LRP1B: variants seen among roughly 807,000 people sequenced by gnomAD.
LRP1B encodes the protein low-density lipoprotein receptor-related protein 1B.
A neutral mutation model predicts 556.6 loss-of-function variants in LRP1B; 217 were observed. The observed-to-expected ratio is 0.39, with a 90% CI of 0.35 to 0.44. LRP1B has a LOEUF of 0.44. LRP1B is among the 20% of genes least tolerant of loss of function. LRP1B has a pLI of 1.00. For missense variants in LRP1B, 5,053 were observed against 5,620.8 expected, an observed-to-expected ratio of 0.90 and a Z score of 3.23; for synonymous variants, 2,047 against 1,865.8, an observed-to-expected ratio of 1.10 and a Z score of -2.50.
chr2:141,142,348 G>T (rs544821727), intron 7 of LRP1B, among the ~76,000 whole-genome samples: 10 of 152,274 alleles, frequency 6.6e-5, no homozygotes, highest in African/African-American at 2.4e-4. Context: ...TTCAGTTTTA[G>T]TTCTTGAGCC....
At chr2:141,186,806 ATTG>A (rs1256558283) in intron 7 of LRP1B, among the ~76,000 whole-genome samples, 1 of 152,058 alleles carries the variant, frequency 6.6e-6, no homozygotes, top group Non-Finnish European at 1.5e-5. Flanking sequence ...CAGAAAGTAT[ATTG>A]TTGTTCAGAA....
intron 3 of LRP1B, among the ~76,000 whole-genome samples, chr2:141,437,500 C>T (rs1680803782): frequency 6.6e-6 from 1 of 151,920 alleles, no homozygotes; most frequent in Non-Finnish European, 1.5e-5. Flanking sequence ...TGAAATTTCT[C>T]TTTGGTCACC....
In LRP1B at chr2:140,256,496, G is replaced by A. The variant is rs559081132; in HGVS notation, c.13248-9334C>T. On this transcript the variant is annotated intron_variant, in intron 86 of 90. Transcript: ENST00000389484. ...TTTTTTTTTTTTTTTTTAAGACAGA[G>A]TCTTGCTTTGTCGTCAGGCTGGAGT... Among the ~76,000 whole-genome samples the A allele has an allele frequency of 1.4e-4, 7 of 51,262 alleles. No homozygotes were observed. In the South Asian group the frequency reaches 4.9e-3, roughly 36 times the overall value. The allele number at this position is 51,262 out of a possible 152,430, so 33.6% of individuals were successfully genotyped here.
chr2:141,852,071 A>G (rs1697882417), intron 1 of LRP1B, among the ~76,000 whole-genome samples: 1 of 151,766 alleles, frequency 6.6e-6, no homozygotes, highest in African/African-American at 2.4e-5. Flanking sequence ...TCCCCCTACT[A>G]TAAGAATCAA....
intron 23 of LRP1B, chr2:140,898,763 C>T: frequency 3.5e-6 from 2 of 579,428 alleles, no homozygotes; most frequent in South Asian, 1.4e-5. Context: ...AGACCCTGAG[C>T]CTCTCTGGGA....
intron 41 of LRP1B, among the ~76,000 whole-genome samples, chr2:140,663,540 C>T (rs1311372111): frequency 6.6e-6 from 1 of 152,192 alleles, no homozygotes; most frequent in Non-Finnish European, 1.5e-5. Flanking sequence ...CTAGCTCAAA[C>T]TTAACTTTTG....
intron 88 of LRP1B, among the ~76,000 whole-genome samples, chr2:140,238,791 C>T (rs902261554): frequency 5.3e-5 from 8 of 150,820 alleles, no homozygotes; most frequent in Non-Finnish European, 7.4e-5. Flanking sequence ...AAATAATGTA[C>T]GCTGTACCCA....
chr2:140,838,481 G>A (rs1347059512), intron 31 of LRP1B, among the ~76,000 whole-genome samples: 1 of 152,044 alleles, frequency 6.6e-6, no homozygotes, highest in Non-Finnish European at 1.5e-5. Context: ...TTTTATATGA[G>A]AGGTTTATTC....
chr2:140,234,970 T>C, intron 89 of LRP1B, 86 bp from the exon 90 acceptor site: 1 of 638,404 alleles, frequency 1.6e-6, no homozygotes, highest in Non-Finnish European at 2.9e-6. Context: ...TTCATAAAAA[T>C]AACATAAAAA....
intron 25 of LRP1B, among the ~76,000 whole-genome samples, chr2:140,882,308 A>G (rs1693499810): frequency 6.6e-6 from 1 of 152,170 alleles, no homozygotes; most frequent in South Asian, 2.1e-4. Context: ...GGAATAAAAT[A>G]TTGAAAAATA....
chr2:141,339,893 A>T (rs1375376921), intron 3 of LRP1B, among the ~76,000 whole-genome samples: 1 of 152,062 alleles, frequency 6.6e-6, no homozygotes, highest in East Asian at 1.9e-4. Flanking sequence ...ATCAGTGAAC[A>T]TTGTGCCAAA....
At chr2:141,843,426 G>C (rs1190370535) in intron 1 of LRP1B, among the ~76,000 whole-genome samples, 1 of 152,124 alleles carries the variant, frequency 6.6e-6, no homozygotes, top group Non-Finnish European at 1.5e-5. Context: ...CTGTACACAA[G>C]ATAATGCCAA....
chr2:140,444,247 A>G, intron 65 of LRP1B, 83 bp downstream of exon 65: 1 of 1,402,112 alleles, frequency 7.1e-7, no homozygotes, highest in South Asian at 1.3e-5. Context: ...ACATCATATG[A>G]ATTTATGAAG....
intron 7 of LRP1B, among the ~76,000 whole-genome samples, chr2:141,174,520 C>G (rs1179224399): frequency 6.6e-6 from 1 of 152,090 alleles, no homozygotes; most frequent in Non-Finnish European, 1.5e-5. Context: ...GTTTTTCTCT[C>G]TTGCCACCAT....
At chr2:142,107,285 T>C (rs1706779131) in intron 1 of LRP1B, among the ~76,000 whole-genome samples, 1 of 152,182 alleles carries the variant, frequency 6.6e-6, no homozygotes, top group Non-Finnish European at 1.5e-5. Context: ...GGTGGAACCT[T>C]AAGAGGTGAT....
chr2:140,713,132 C>T (rs1385398553), intron 37 of LRP1B, among the ~76,000 whole-genome samples: 19 of 151,972 alleles, frequency 1.3e-4, no homozygotes, highest in Non-Finnish European at 1.5e-5. Context: ...ACTACTGATT[C>T]CATGTATGCT....
intron 6 of LRP1B, among the ~76,000 whole-genome samples, chr2:141,224,987 A>G (rs1327130843): frequency 6.6e-6 from 1 of 152,180 alleles, no homozygotes; most frequent in Non-Finnish European, 1.5e-5. Flanking sequence ...TAAATTAAAA[A>G]TAAAAGATAA....
In LRP1B at chr2:141,762,222, A is replaced by G. The variant is rs534610085; in HGVS notation, c.205+48057T>C. Among the ~76,000 whole-genome samples, 67 of 152,148 alleles carry G rather than the reference A, an allele frequency of 4.4e-4. No individual in the cohort carries two copies. In the South Asian group the frequency reaches 0.014, roughly 31 times the overall value. ...ATTTTAGCAGCCTTTCAATTCCAAT[A>G]AATTGGCCACTGTTGAGTATTTCAA... On this transcript the variant is annotated intron_variant, in intron 2 of 90. Coordinates refer to ENST00000389484, the MANE Select transcript of LRP1B (RefSeq NM_018557.3).
intron 3 of LRP1B, among the ~76,000 whole-genome samples, chr2:141,288,338 G>A (rs1558983426): frequency 6.6e-6 from 1 of 151,652 alleles, no homozygotes; most frequent in Non-Finnish European, 1.5e-5. Context: ...GAAGAAAGAA[G>A]TTAACATTAA....
Sources: gnomAD v4.1 joint callset for allele counts (sites outside exome capture counted in the v4.1 genomes callset) on GRCh38, gnomAD v4.1.1 for gene constraint, MANE v1.5 for transcripts, NCBI Gene and HGNC (gene_info 2026-07-23, HGNC 2026-07-21) for gene names.